The following KCNT2 variants were observed in gnomAD, a reference collection of about 807,000 sequenced individuals.
KCNT2 encodes the protein potassium channel subfamily T member 2.
In KCNT2, 67 loss-of-function variants were observed where a neutral mutation model predicts 153.8. The observed-to-expected ratio is 0.44, with a 90% CI of 0.36 to 0.53. The LOEUF (loss-of-function observed/expected upper bound fraction) is 0.53. Among genes scored for constraint, KCNT2 ranks in the 20% least tolerant of loss-of-function variants. The pLI, the probability that KCNT2 is intolerant of heterozygous loss-of-function variation, is 0.00. For synonymous variants in KCNT2, 500 were observed against 458.8 expected, an observed-to-expected ratio of 1.09 and a Z score of -1.15; for missense variants, 975 against 1,354.8, an observed-to-expected ratio of 0.72 and a Z score of 4.40.
Position 196,285,816 on chromosome 1 carries a change from G to C in KCNT2, c.2596-58C>G, listed in dbSNP as rs1474712438. On this transcript the variant is annotated intron_variant, in intron 22 of 27. Coordinates refer to ENST00000294725, the MANE Select transcript of KCNT2 (RefSeq NM_198503.5). ...AGCATTCCACATTTTATGCATTTCT[G>C]CCTCAGTAAATTGTGTTGACATACG... is the stretch of plus-strand genomic sequence containing the variant. 7 of 961,670 alleles carry C rather than the reference G, an allele frequency of 7.3e-6. No individual in the cohort carries two copies. The East Asian group carries it at 7.3e-5, about 10-fold the overall frequency. 59.6% of individuals were successfully genotyped at this position (961,670 alleles called of 1,614,324 possible).
At chr1:196,270,346 G>T (rs545609281) in intron 25 of KCNT2, among the ~76,000 whole-genome samples, 4 of 151,790 alleles carry the variant, frequency 2.6e-5, no homozygotes, top group Non-Finnish European at 5.9e-5. Context: ...GTAACCAAAA[G>T]GTTCATTTTA....
intron 1 of KCNT2, among the ~76,000 whole-genome samples, chr1:196,596,378 C>T (rs1664085882): frequency 6.6e-6 from 1 of 152,072 alleles, no homozygotes; most frequent in South Asian, 2.1e-4. Flanking sequence ...TTCACCACAT[C>T]CAAGCCAACA....
chr1:196,311,634 T>G (rs60040626), intron 21 of KCNT2, among the ~76,000 whole-genome samples: 16,236 of 151,850 alleles, frequency 0.11, 1,237 homozygotes, highest in African/African-American at 0.22. Context: ...CATTCTGCCC[T>G]AAACATTATA....
chr1:196,275,862 T>C (rs961723865), intron 25 of KCNT2, among the ~76,000 whole-genome samples: 2 of 152,060 alleles, frequency 1.3e-5, no homozygotes, highest in Non-Finnish European at 2.9e-5. Context: ...TGAATGGGTC[T>C]GATATCACCA....
intron 1 of KCNT2, among the ~76,000 whole-genome samples, chr1:196,538,425 C>T (rs965148712): frequency 1.4e-4 from 21 of 152,058 alleles, no homozygotes; most frequent in Admixed American, 1.3e-3. Context: ...GAAAAACATT[C>T]GAAGAATCAT....
chr1:196,294,842 T>A (rs896695197), intron 22 of KCNT2, among the ~76,000 whole-genome samples: 1 of 151,278 alleles, frequency 6.6e-6, no homozygotes, highest in Admixed American at 6.6e-5. Flanking sequence ...TAAAAAAAAA[T>A]TATGTCATTA....
chr1:196,255,490 T>C (rs887333151), intron 26 of KCNT2, among the ~76,000 whole-genome samples: 3 of 151,816 alleles, frequency 2.0e-5, no homozygotes, highest in African/African-American at 7.2e-5. Flanking sequence ...ATATTTCACC[T>C]CCCAATCCCT....
In KCNT2 at chr1:196,608,342, A is replaced by G; in HGVS notation, c.-33T>C. The G allele has an allele frequency of 6.5e-7, 1 of 1,530,778 alleles. No individual in the cohort carries two copies. The highest frequency in any genetic ancestry group is 1.4e-5 in the African/African-American group (1 of 73,346). The allele number at this position is 1,530,778 out of a possible 1,614,324, so 94.8% of individuals were successfully genotyped here. Reference sequence around the variant, plus strand: ...CAAAGAGTGGGAAACATCAAACAACAAATGGAGGAGAGGAGGGAGAAAGAA... The same window carrying G: ...CAAAGAGTGGGAAACATCAAACAACGAATGGAGGAGAGGAGGGAGAAAGAA... On this transcript the variant is annotated 5_prime_UTR_variant, in exon 1 of 28. Coordinates refer to ENST00000294725, the MANE Select transcript of KCNT2 (RefSeq NM_198503.5).
At chr1:196,480,364 T>A (rs911083377) in intron 4 of KCNT2, among the ~76,000 whole-genome samples, 2 of 152,110 alleles carry the variant, frequency 1.3e-5, no homozygotes, top group Non-Finnish European at 2.9e-5. Flanking sequence ...AGAAAACAGA[T>A]AAAATGCATA....
chr1:196,472,219 C>T (rs1296096356), intron 5 of KCNT2, among the ~76,000 whole-genome samples: 1 of 152,228 alleles, frequency 6.6e-6, no homozygotes, highest in Non-Finnish European at 1.5e-5. Flanking sequence ...ATTTCATACA[C>T]ACTCTTCCCC....
chr1:196,342,420 C>CTATATATATATATATATATATATATG (rs1665734611), intron 14 of KCNT2, among the ~76,000 whole-genome samples, 192 bp from the exon 15 acceptor site: 42 of 132,728 alleles, frequency 3.2e-4, no homozygotes, highest in African/African-American at 7.8e-4. Context: ...ATTTTGAATA[C>CTATATATATATATATATATATATATG]TATATATATA....
At chr1:196,523,619 A>G (rs1332615062) in intron 1 of KCNT2, among the ~76,000 whole-genome samples, 1 of 152,172 alleles carries the variant, frequency 6.6e-6, no homozygotes, top group Non-Finnish European at 1.5e-5. Context: ...TGAGTCCAGA[A>G]AGAAAGAGAG....
chr1:196,446,331 A>G (rs533974065), intron 8 of KCNT2, among the ~76,000 whole-genome samples: 1 of 151,604 alleles, frequency 6.6e-6, no homozygotes. Flanking sequence ...TCATTATTCT[A>G]ATTGTCTTTA....
At chr1:196,405,008 C>CA (rs773666366) in intron 12 of KCNT2, among the ~76,000 whole-genome samples, 2 of 151,226 alleles carry the variant, frequency 1.3e-5, no homozygotes, top group Admixed American at 6.6e-5. Flanking sequence ...TATGCCCTCA[C>CA]AAAACAGAAC....
intron 22 of KCNT2, among the ~76,000 whole-genome samples, chr1:196,297,353 T>C (rs549521645): frequency 4.0e-4 from 61 of 152,282 alleles, no homozygotes; most frequent in African/African-American, 1.4e-3. Context: ...TTTTAACAAT[T>C]TGCTATACAT....
At chr1:196,471,496 T>C (rs1678106046) in intron 5 of KCNT2, among the ~76,000 whole-genome samples, 1 of 152,206 alleles carries the variant, frequency 6.6e-6, no homozygotes, top group Non-Finnish European at 1.5e-5. Flanking sequence ...TGTTATCCTT[T>C]GCCTTTCTCT....
chr1:196,485,236 C>A (rs562584045), intron 3 of KCNT2, among the ~76,000 whole-genome samples: 1 of 151,734 alleles, frequency 6.6e-6, no homozygotes, highest in Non-Finnish European at 1.5e-5. Context: ...CATCGGTAGA[C>A]ATTGAACAAT....
chr1:196,575,695 T>C (rs1661271876), intron 1 of KCNT2, among the ~76,000 whole-genome samples: 2 of 146,422 alleles, frequency 1.4e-5, no homozygotes, highest in South Asian at 4.4e-4. Context: ...TCAGTTTAAA[T>C]TGAGGAAGAG....
intron 12 of KCNT2, among the ~76,000 whole-genome samples, chr1:196,420,528 C>A (rs1004775497): frequency 6.6e-6 from 1 of 151,876 alleles, no homozygotes; most frequent in Non-Finnish European, 1.5e-5. Flanking sequence ...ACATAGATTT[C>A]ATTTTAGAGT....
Sources: allele counts gnomAD v4.1 joint callset (sites outside exome capture counted in the v4.1 genomes callset), GRCh38; gene constraint gnomAD v4.1.1; transcripts MANE v1.5; gene names NCBI Gene and HGNC (gene_info 2026-07-23, HGNC 2026-07-21).